The following NCF2 variants were observed in gnomAD, a reference collection of about 807,000 sequenced individuals.
NCF2 encodes neutrophil cytosol factor 2.
In NCF2, 45 loss-of-function variants were observed where a neutral mutation model predicts 70.9. The observed-to-expected ratio is 0.63, with a 90% CI of 0.50 to 0.81. NCF2 has a LOEUF of 0.81. NCF2 is among the 40% of genes least tolerant of loss of function. The probability of loss-of-function intolerance (pLI) is 0.00; values close to 1 mark genes in which losing one functional copy is unlikely to be tolerated. For synonymous variants in NCF2, 203 were observed against 233.6 expected (o/e 0.87, Z 1.19); for missense variants, 522 against 631.6 (o/e 0.83, Z 1.86).
intron 2 of NCF2, among the ~76,000 whole-genome samples, chr1:183,582,243 G>C (rs546593253): frequency 6.6e-6 from 1 of 152,310 alleles, no homozygotes; most frequent in East Asian, 1.9e-4. Context: ...GGTTCTCTTC[G>C]TGGCCATTTG....
intron 3 of NCF2, among the ~76,000 whole-genome samples, chr1:183,575,411 A>C (rs569432064): frequency 6.6e-6 from 1 of 152,294 alleles, no homozygotes; most frequent in East Asian, 1.9e-4. Context: ...AGAGGTTAGC[A>C]CAGAAGCCAG....
chr1:183,593,559 G>A (rs1004666998), upstream of NCF2, among the ~76,000 whole-genome samples: 8 of 151,908 alleles, frequency 5.3e-5, no homozygotes, highest in East Asian at 3.9e-4. Flanking sequence ...CTCTTCCTCC[G>A]CCCATGTAAC....
chr1:183,587,989 T>C (rs1258061434), intron 1 of NCF2, among the ~76,000 whole-genome samples: 1 of 152,246 alleles, frequency 6.6e-6, no homozygotes, highest in African/African-American at 2.4e-5. Context: ...AGATAGAAGC[T>C]TTGAGCCAGT....
chr1:183,561,586 A>G (rs1672050362), intron 13 of NCF2, among the ~76,000 whole-genome samples: 1 of 152,192 alleles, frequency 6.6e-6, no homozygotes, highest in East Asian at 1.9e-4. Flanking sequence ...GTGTTCCTGC[A>G]TAGAGTAGAT....
intron 1 of NCF2, among the ~76,000 whole-genome samples, chr1:183,587,495 G>T (rs1323892976): frequency 6.7e-6 from 1 of 149,324 alleles, no homozygotes; most frequent in Non-Finnish European, 1.5e-5. Context: ...TTGGGGGACT[G>T]AGGTAGGTCA....
At chr1:183,567,744 C>A (rs149789558) in intron 7 of NCF2, among the ~76,000 whole-genome samples, 21 of 152,182 alleles carry the variant, frequency 1.4e-4, no homozygotes, top group African/African-American at 4.8e-4. Context: ...CAGGTGAGAG[C>A]CAGCTGGGCC....
At position 183,590,308 on chromosome 1, in the gene NCF2, TG is replaced by T; in HGVS notation, c.21del (p.Ser8AlafsTer43). On this transcript the variant is annotated frameshift_variant, in exon 1 of 15. Transcript: ENST00000367535. LOFTEE classifies it high-confidence loss of function. MSLVEAISLWNEGVLAA... is the reference protein window; with the variant it reads MSLVEAXSLWNEGVLAA... ...GCCAGCACCCCTTCATTCCAGAGGCTGATGGCCTCCACCAGGGACATGATTA... is the reference window on the plus strand; with the variant it reads ...GCCAGCACCCCTTCATTCCAGAGGCTATGGCCTCCACCAGGGACATGATTA... 1 of 1,614,076 alleles carries T rather than the reference TG, an allele frequency of 6.2e-7. No individual in the cohort carries two copies. Among genetic ancestry groups the T allele is most frequent in the African/African-American group, 1.3e-5 (1 of 75,012 alleles).
rs145099974 is a variant in NCF2, at chr1:183,587,536, G to A, written c.175-559C>T. On this transcript the variant is annotated intron_variant, in intron 1 of 14. Coordinates refer to ENST00000367535, the MANE Select transcript of NCF2 (RefSeq NM_000433.4). ...TCAAGCCCAGGAGGTGGAGACTGCC[G>A]TGAGCTGTGACGGCACCACTGCACT... is the stretch of plus-strand genomic sequence containing the variant. Among the ~76,000 whole-genome samples, 289 of 143,006 alleles carry A rather than the reference G, an allele frequency of 2.0e-3. 7 individuals carry two copies. In the East Asian group the frequency reaches 0.043, roughly 21 times the overall value. The allele number at this position is 143,006 out of a possible 152,430, so 93.8% of individuals were successfully genotyped here.
At chr1:183,593,480 A>C, upstream of NCF2, among the ~76,000 whole-genome samples, 1 of 151,848 alleles carries the variant, frequency 6.6e-6, no homozygotes. Flanking sequence ...ATTCCAGGTC[A>C]TTTCCCCTCC....
At chr1:183,569,221 G>A in intron 6 of NCF2, 36 bp from the exon 7 acceptor site, 1 of 1,602,538 alleles carries the variant, frequency 6.2e-7, no homozygotes, top group Non-Finnish European at 8.6e-7. Context: ...AACGGAAAAG[G>A]CAATGAGGGA....
intron 14 of NCF2, among the ~76,000 whole-genome samples, chr1:183,557,021 T>G (rs1671818087): frequency 6.6e-6 from 1 of 152,234 alleles, no homozygotes; most frequent in South Asian, 2.1e-4. Context: ...TTGTTAAATA[T>G]AAATATTTTA....
intron 2 of NCF2, among the ~76,000 whole-genome samples, chr1:183,584,452 A>G (rs1394886365): frequency 6.6e-6 from 1 of 152,216 alleles, no homozygotes; most frequent in Non-Finnish European, 1.5e-5. Flanking sequence ...AGGTGTAACT[A>G]TTAATATTAC....
At chr1:183,574,197 C>T (rs1049732636) in intron 4 of NCF2, among the ~76,000 whole-genome samples, 4 of 152,220 alleles carry the variant, frequency 2.6e-5, no homozygotes, top group African/African-American at 7.2e-5. Context: ...CCTCTCAGTG[C>T]TTAGAGTCTG....
At chr1:183,574,377 A>C in intron 4 of NCF2, 110 bp downstream of exon 4, 1 of 1,473,856 alleles carries the variant, frequency 6.8e-7, no homozygotes, top group Non-Finnish European at 9.5e-7. Flanking sequence ...TGTTACCCAG[A>C]CTCACAGAAA....
At position 183,577,779 on chromosome 1, in the gene NCF2, G is replaced by T. The variant is rs187428004; in HGVS notation, c.258-72C>A. ...TAAATGCAGCATAAAATGTGAGTCT[G>T]CTTCTCCCTTCCCCATCTATTTCAC... On this transcript the variant is annotated intron_variant, in intron 2 of 14. Coordinates refer to ENST00000367535, the MANE Select transcript of NCF2 (RefSeq NM_000433.4). 146 of 1,084,712 alleles carry T rather than the reference G, an allele frequency of 1.3e-4. No homozygotes were observed. The African/African-American group carries it at 1.7e-3, about 13-fold the overall frequency. The allele number at this position is 1,084,712 out of a possible 1,614,324, so 67.2% of individuals were successfully genotyped here. A position where few individuals can be genotyped will look rare whatever the true frequency, so the allele number is the denominator to read the frequency against.
intron 13 of NCF2, 140 bp from the exon 14 acceptor site, chr1:183,560,413 C>T (rs534983535): frequency 4.2e-6 from 4 of 945,030 alleles, no homozygotes; most frequent in East Asian, 4.9e-5. Context: ...TTGTGTAGAG[C>T]TTATATGCTC....
At chr1:183,590,127 G>A (rs763196537) in intron 1 of NCF2, 29 bp downstream of exon 1, 1 of 1,613,746 alleles carries the variant, frequency 6.2e-7, no homozygotes, top group Non-Finnish European at 8.5e-7. Flanking sequence ...ATGCACAGAG[G>A]AGGCCCGGAA....
At chr1:183,582,023 CT>C (rs1673139762) in intron 2 of NCF2, among the ~76,000 whole-genome samples, 2 of 152,254 alleles carry the variant, frequency 1.3e-5, no homozygotes, top group Non-Finnish European at 2.9e-5. Flanking sequence ...TCCCAGCCCC[CT>C]CGTTCCCTGC....
chr1:183,569,282 G>C, intron 6 of NCF2, 97 bp from the exon 7 acceptor site: 1 of 1,150,346 alleles, frequency 8.7e-7, no homozygotes, highest in South Asian at 1.2e-5. Flanking sequence ...CATTCTTCCA[G>C]ACCAGAAAAT....
Sources: allele counts gnomAD v4.1 joint callset (sites outside exome capture counted in the v4.1 genomes callset), GRCh38; gene constraint gnomAD v4.1.1; transcripts MANE v1.5; gene names NCBI Gene and HGNC (gene_info 2026-07-23, HGNC 2026-07-21).